The following ROBO2 variants were observed in gnomAD, a reference collection of about 807,000 sequenced individuals.
ROBO2 encodes the protein roundabout guidance receptor 2.
ROBO2 carries 53 observed loss-of-function variants against 160.8 expected under a neutral mutation model. That is an observed-to-expected ratio of 0.33 (90% CI 0.26 to 0.41). ROBO2 has a LOEUF of 0.41. Ranked by LOEUF, ROBO2 falls within the 10% of genes least tolerant of loss-of-function variation. The pLI is 1.00. For synonymous variants in ROBO2, 664 were observed against 611.7 expected, an observed-to-expected ratio of 1.09 and a Z score of -1.26; for missense variants, 1,577 against 1,722.4, an observed-to-expected ratio of 0.92 and a Z score of 1.49.
intron 2 of ROBO2, among the ~76,000 whole-genome samples, chr3:76,359,986 T>C (rs1437570986): frequency 6.6e-6 from 1 of 152,090 alleles, no homozygotes; most frequent in East Asian, 1.9e-4. Context: ...TATGAATTTA[T>C]GGCTATCATC....
At chr3:77,607,212 A>G (rs2094542963) in intron 20 of ROBO2, among the ~76,000 whole-genome samples, 1 of 152,196 alleles carries the variant, frequency 6.6e-6, no homozygotes, top group South Asian at 2.1e-4. Context: ...CTATTCACAT[A>G]TGCAAAAATA....
At chr3:77,318,628 A>G (rs1185150416) in intron 2 of ROBO2, among the ~76,000 whole-genome samples, 1 of 152,206 alleles carries the variant, frequency 6.6e-6, no homozygotes, top group Non-Finnish European at 1.5e-5. Flanking sequence ...CACTTGAGCA[A>G]ACTACTTAGC....
intron 22 of ROBO2, among the ~76,000 whole-genome samples, chr3:77,618,862 C>T (rs967369322): frequency 1.2e-4 from 18 of 152,136 alleles, no homozygotes; most frequent in African/African-American, 4.3e-4. Context: ...TGTTATTTTT[C>T]ATCAATCTGC....
chr3:76,485,425 A>C (rs1226712629), intron 2 of ROBO2, among the ~76,000 whole-genome samples: 2 of 152,144 alleles, frequency 1.3e-5, no homozygotes, highest in Admixed American at 6.5e-5. Context: ...GAGAGGCTGT[A>C]AATTCAGATG....
Position 76,993,951 on chromosome 3 carries a change from A to G in ROBO2, c.110-104063A>G, listed in dbSNP as rs2060839850. ...CTCTTCTAAATGACAGCTACACATC[A>G]GTTACCATTACTGAAATATGTCTCT... On this transcript the variant is annotated intron_variant, in intron 2 of 26. Coordinates refer to the ROBO2 transcript ENST00000487694. Among the ~76,000 whole-genome samples the G allele has an allele frequency of 1.3e-5, 2 of 152,020 alleles. 1 individual carries two copies. Among genetic ancestry groups the G allele is most frequent in the African/African-American group, 4.8e-5 (2 of 41,424 alleles).
intron 2 of ROBO2, among the ~76,000 whole-genome samples, chr3:76,106,633 C>T (rs977072353): frequency 1.3e-5 from 2 of 152,056 alleles, no homozygotes; most frequent in East Asian, 1.9e-4. Context: ...CTTGAAAACC[C>T]ATTTTCAAAT....
chr3:75,984,931 G>A (rs991493036), intron 2 of ROBO2, among the ~76,000 whole-genome samples: 6 of 151,326 alleles, frequency 4.0e-5, no homozygotes, highest in Admixed American at 2.0e-4. Flanking sequence ...GAACATAAGG[G>A]TAATACTCTT....
At chr3:76,005,979 C>T (rs932802536) in intron 2 of ROBO2, among the ~76,000 whole-genome samples, 3 of 152,156 alleles carry the variant, frequency 2.0e-5, no homozygotes, top group Non-Finnish European at 4.4e-5. Context: ...GACTCCCAGA[C>T]TTAAAAATCT....
intron 2 of ROBO2, among the ~76,000 whole-genome samples, chr3:76,328,776 G>A (rs2073231472): frequency 6.6e-6 from 1 of 151,828 alleles, no homozygotes; most frequent in African/African-American, 2.4e-5. Context: ...GGAGACTGGC[G>A]TGAACCCGGG....
intron 2 of ROBO2, among the ~76,000 whole-genome samples, chr3:77,160,656 GA>G (rs1579500313): frequency 6.6e-6 from 1 of 152,126 alleles, no homozygotes; most frequent in East Asian, 1.9e-4. Context: ...CTGTCTATGG[GA>G]CACACCATGC....
At chr3:77,118,982 G>A (rs2074472492) in intron 2 of ROBO2, among the ~76,000 whole-genome samples, 1 of 152,182 alleles carries the variant, frequency 6.6e-6, no homozygotes, top group South Asian at 2.1e-4. Flanking sequence ...CACTTGGGGA[G>A]TAAGGGACCT....
At chr3:77,492,205 C>G (rs967167746) in intron 4 of ROBO2, among the ~76,000 whole-genome samples, 42 of 152,102 alleles carry the variant, frequency 2.8e-4, no homozygotes, top group African/African-American at 9.7e-4. Flanking sequence ...CTCTTTCTAC[C>G]TCAGTAAGTA....
At chr3:76,486,829 T>A (rs2079523272) in intron 2 of ROBO2, among the ~76,000 whole-genome samples, 1 of 152,198 alleles carries the variant, frequency 6.6e-6, no homozygotes, top group African/African-American at 2.4e-5. Context: ...CAGGGTGCAA[T>A]TAAGGCCTAT....
chr3:76,819,647 G>A (rs1006561379), intron 2 of ROBO2, among the ~76,000 whole-genome samples: 2 of 152,150 alleles, frequency 1.3e-5, no homozygotes, highest in South Asian at 4.1e-4. Context: ...TGGGATTGTT[G>A]TGATTCTTTT....
chr3:77,383,249 A>G (rs1227067680), intron 2 of ROBO2, among the ~76,000 whole-genome samples: 1 of 152,120 alleles, frequency 6.6e-6, no homozygotes, highest in African/African-American at 2.4e-5. Context: ...CTGTAAAATG[A>G]AAATAATAAT....
intron 2 of ROBO2, among the ~76,000 whole-genome samples, chr3:77,313,188 TTC>T (rs1400371160): frequency 1.3e-5 from 2 of 152,210 alleles, no homozygotes; most frequent in African/African-American, 4.8e-5. Context: ...GGGTTAGAGA[TTC>T]TGTGTTAATA....
At chr3:77,234,360 C>A (rs950403705) in intron 2 of ROBO2, among the ~76,000 whole-genome samples, 2 of 152,142 alleles carry the variant, frequency 1.3e-5, no homozygotes, top group African/African-American at 4.8e-5. Flanking sequence ...TAGGAGAGAG[C>A]AGTCAAATAT....
At chr3:76,054,541 T>C (rs2067769050) in intron 2 of ROBO2, among the ~76,000 whole-genome samples, 1 of 152,198 alleles carries the variant, frequency 6.6e-6, no homozygotes, top group South Asian at 2.1e-4. Flanking sequence ...GTTTACTGCC[T>C]TCTTGTTTAC....
At chr3:77,266,691 C>A (rs990995044) in intron 2 of ROBO2, among the ~76,000 whole-genome samples, 14 of 152,172 alleles carry the variant, frequency 9.2e-5, no homozygotes, top group South Asian at 6.2e-4. Context: ...TGATCTTGGG[C>A]AAATCCTTTA....
Sources: allele counts gnomAD v4.1 joint callset (sites outside exome capture counted in the v4.1 genomes callset), GRCh38; gene constraint gnomAD v4.1.1; transcripts MANE v1.5; gene names NCBI Gene and HGNC (gene_info 2026-07-23, HGNC 2026-07-21).